Variants in GPC3 observed in about 807,000 individuals in gnomAD.
GPC3 encodes glypican 3.
Under a neutral mutation model 34.4 loss-of-function variants are expected in GPC3, and 3 were observed. The ratio of observed to expected loss-of-function variants is 0.09; its 90% CI spans 0.04 to 0.23. The LOEUF is 0.23. Among genes scored for constraint, GPC3 ranks in the 10% least tolerant of loss-of-function variants. The pLI is 1.00. For synonymous variants in GPC3, 177 were observed against 174.0 expected (o/e 1.02, Z -0.13); for missense variants, 351 against 445.6 (o/e 0.79, Z 1.91).
At chrX:133,639,124 C>T (rs772022983) in intron 6 of GPC3, among the ~76,000 whole-genome samples, 2 of 112,080 alleles carry the variant, frequency 1.8e-5, no homozygotes, top group African/African-American at 6.5e-5. Context: ...TTTCACACCT[C>T]TGTGCTTTGT....
At chrX:133,880,311 A>G (rs1280470471) in intron 2 of GPC3, among the ~76,000 whole-genome samples, 1 of 112,139 alleles carries the variant, frequency 8.9e-6, no homozygotes, top group Non-Finnish European at 1.9e-5. Flanking sequence ...CAACCTATTA[A>G]TATGAGTTGA....
At chrX:133,982,985 G>A (rs775980369) in intron 1 of GPC3, among the ~76,000 whole-genome samples, 1 of 111,940 alleles carries the variant, frequency 8.9e-6, no homozygotes, top group East Asian at 2.8e-4. Context: ...TTCCACACAC[G>A]AACATTAGGA....
intron 3 of GPC3, among the ~76,000 whole-genome samples, chrX:133,700,712 G>T (rs1199818255): frequency 9.1e-6 from 1 of 110,010 alleles, no homozygotes; most frequent in Non-Finnish European, 1.9e-5. Context: ...CCCAGTCTCT[G>T]CAAAAAATAA....
chrX:133,668,150 G>A lies in GPC3; in HGVS notation c.1293-6300C>T, dbSNP rs189017711. 5.5e-5 allele frequency among the ~76,000 whole-genome samples: 6 copies of A among 110,009 alleles called. No individual in the cohort carries two copies. The East Asian group carries it at 1.2e-3, about 21-fold the overall frequency. On this transcript the variant is annotated intron_variant, in intron 5 of 7. Transcript: ENST00000370818. The stretch of plus-strand genomic sequence containing the variant: ...GATCTCCTGACTTCATGATCCGCCC[G>A]CCCACCTCGGCCTCCCAAAATGCTG...
chrX:133,650,458 CA>C (rs1339331365), intron 6 of GPC3, among the ~76,000 whole-genome samples: 6 of 47,228 alleles, frequency 1.3e-4, no homozygotes, highest in South Asian at 1.6e-3. Flanking sequence ...CACACCCACC[CA>C]CACACACACA....
At chrX:133,726,113 T>C (rs1328111275) in intron 3 of GPC3, among the ~76,000 whole-genome samples, 1 of 112,201 alleles carries the variant, frequency 8.9e-6, no homozygotes, top group African/African-American at 3.2e-5. Context: ...GGCAATCTCT[T>C]CATTCTCTGT....
intron 2 of GPC3, among the ~76,000 whole-genome samples, chrX:133,858,808 G>A (rs188466252): frequency 2.1e-3 from 233 of 111,690 alleles, no homozygotes; most frequent in African/African-American, 4.6e-3. Flanking sequence ...CTGGCCAGGC[G>A]CGGTGGCTCA....
At chrX:133,688,135 A>C (rs1417705975) in intron 5 of GPC3, among the ~76,000 whole-genome samples, 1 of 112,252 alleles carries the variant, frequency 8.9e-6, no homozygotes, top group East Asian at 2.8e-4. Context: ...GGACTCTCTA[A>C]TTGAAATTCT....
intron 2 of GPC3, among the ~76,000 whole-genome samples, chrX:133,756,707 A>T (rs1006464019): frequency 3.5e-5 from 4 of 112,791 alleles, no homozygotes; most frequent in Admixed American, 9.4e-5. Flanking sequence ...CAGAAAGAAT[A>T]ATCACAATGC....
At chrX:133,741,847 G>A (rs1387735873) in intron 3 of GPC3, among the ~76,000 whole-genome samples, 1 of 112,712 alleles carries the variant, frequency 8.9e-6, no homozygotes, top group South Asian at 3.7e-4. Context: ...GTTGCTTTTC[G>A]CAGGCCACTT....
intron 5 of GPC3, among the ~76,000 whole-genome samples, chrX:133,687,912 T>C (rs1325281807): frequency 8.9e-6 from 1 of 112,521 alleles, no homozygotes; most frequent in Non-Finnish European, 1.9e-5. Flanking sequence ...GTTGCTCTGT[T>C]ATACTAATTT....
At chrX:133,762,008 G>A (rs908090682) in intron 2 of GPC3, among the ~76,000 whole-genome samples, 2 of 111,831 alleles carry the variant, frequency 1.8e-5, no homozygotes, top group African/African-American at 6.5e-5. Flanking sequence ...CAGTTGCATT[G>A]CATCTTACAT....
At chrX:133,887,305 T>C (rs187879308) in intron 2 of GPC3, among the ~76,000 whole-genome samples, 2 of 112,672 alleles carry the variant, frequency 1.8e-5, no homozygotes, top group East Asian at 2.8e-4. Flanking sequence ...ATATAGAAGT[T>C]TTATTTTCTC....
chrX:133,711,805 T>A (rs774205363), intron 3 of GPC3, among the ~76,000 whole-genome samples: 1 of 112,186 alleles, frequency 8.9e-6, no homozygotes, highest in East Asian at 2.8e-4. Flanking sequence ...TAAAAATACA[T>A]GCATTTTCAG....
intron 5 of GPC3, among the ~76,000 whole-genome samples, chrX:133,692,074 C>T (rs2071069497): frequency 8.9e-6 from 1 of 112,456 alleles, no homozygotes; most frequent in Non-Finnish European, 1.9e-5. Context: ...TCAGCCTCCC[C>T]AGTAGCTGGG....
At chrX:133,605,328 G>T (rs1190606327) in intron 6 of GPC3, among the ~76,000 whole-genome samples, 1 of 110,897 alleles carries the variant, frequency 9.0e-6, no homozygotes, top group East Asian at 2.8e-4. Context: ...GTAAAATGGG[G>T]GATAATACTA....
At chrX:133,636,706 A>G (rs1401668265) in intron 6 of GPC3, among the ~76,000 whole-genome samples, 4 of 111,218 alleles carry the variant, frequency 3.6e-5, no homozygotes, top group Non-Finnish European at 5.7e-5. Flanking sequence ...TATCTTTCAC[A>G]CCTAAAAGTC....
At chrX:133,931,587 C>T (rs2076298495) in intron 2 of GPC3, among the ~76,000 whole-genome samples, 2 of 111,650 alleles carry the variant, frequency 1.8e-5, no homozygotes, top group South Asian at 3.8e-4. Flanking sequence ...GAAGACAATG[C>T]TACCTATTTA....
At chrX:133,594,380 T>G (rs2124328390) in intron 7 of GPC3, among the ~76,000 whole-genome samples, 1 of 111,341 alleles carries the variant, frequency 9.0e-6, no homozygotes, top group East Asian at 2.8e-4. Flanking sequence ...GGTAATGACT[T>G]TATGTAAGTT....
Sources: gnomAD v4.1 joint callset for allele counts (sites outside exome capture counted in the v4.1 genomes callset) on GRCh38, gnomAD v4.1.1 for gene constraint, MANE v1.5 for transcripts, NCBI Gene and HGNC (gene_info 2026-07-23, HGNC 2026-07-21) for gene names.